Variants in SGCD observed in about 807,000 individuals in gnomAD.
SGCD encodes the protein sarcoglycan delta, also known as delta-sarcoglycan.
Under a neutral mutation model 36.6 loss-of-function variants are expected in SGCD, and 18 were observed. The ratio of observed to expected loss-of-function variants is 0.49; its 90% CI spans 0.34 to 0.73. The LOEUF is 0.73. SGCD is among the 30% of genes least tolerant of loss of function. The probability of loss-of-function intolerance (pLI) is 0.01; values close to 1 mark genes in which losing one functional copy is unlikely to be tolerated. For synonymous variants in SGCD, 133 were observed against 130.6 expected, an observed-to-expected ratio of 1.02 and a Z score of -0.12; for missense variants, 387 against 346.7, an observed-to-expected ratio of 1.12 and a Z score of -0.92.
intron 3 of SGCD, among the ~76,000 whole-genome samples, chr5:156,356,289 G>A (rs1769487330): frequency 6.6e-6 from 1 of 152,064 alleles, no homozygotes; most frequent in Non-Finnish European, 1.5e-5. Flanking sequence ...AAGGCCTGGG[G>A]TATCTCAACA....
At chr5:156,477,128 G>A (rs548374253) in intron 3 of SGCD, among the ~76,000 whole-genome samples, 12 of 152,002 alleles carry the variant, frequency 7.9e-5, no homozygotes, top group African/African-American at 2.9e-4. Context: ...GCATTTCAGA[G>A]TCAGTGCTTT....
At chr5:156,322,680 A>T (rs1767703600), upstream of SGCD, among the ~76,000 whole-genome samples, 1 of 152,226 alleles carries the variant, frequency 6.6e-6, no homozygotes, top group African/African-American at 2.4e-5. Context: ...AGGAAACAGT[A>T]ATATCTGTCC....
intron 3 of SGCD, among the ~76,000 whole-genome samples, chr5:156,310,976 C>A (rs1767375864): frequency 6.6e-6 from 1 of 152,066 alleles, no homozygotes; most frequent in Non-Finnish European, 1.5e-5. Flanking sequence ...TAGTGTCAAC[C>A]AGGTAAAGAG....
chr5:156,517,601 C>T (rs1757231674), intron 4 of SGCD, among the ~76,000 whole-genome samples: 1 of 152,072 alleles, frequency 6.6e-6, no homozygotes, highest in African/African-American at 2.4e-5. Flanking sequence ...AAGAAAGGTT[C>T]AGGCCACCTA....
At chr5:156,395,835 TGAG>T (rs757262058) in intron 3 of SGCD, among the ~76,000 whole-genome samples, 3 of 152,260 alleles carry the variant, frequency 2.0e-5, no homozygotes, top group African/African-American at 2.4e-5. Flanking sequence ...CGTTGCAAAA[TGAG>T]GAGATAAACT....
rs572400102 is a variant in SGCD at position 155,986,197 on chromosome 5, T to C, written c.-282+115773T>C. 4.4e-3 allele frequency among the ~76,000 whole-genome samples: 668 copies of C among 152,362 alleles called. 8 individuals are homozygous for C. Among genetic ancestry groups the C allele is most frequent in the African/African-American group, 0.015 (608 of 41,590 alleles). On this transcript the variant is annotated intron_variant, in intron 1 of 9. Transcript: ENST00000517913. ...GGTAATTATGTTTAGTTCAGTTTAC[T>C]CCTTTGTGTATCTTTCTTGGAAATG...
At chr5:156,755,204 G>C (rs538286886) in intron 7 of SGCD, among the ~76,000 whole-genome samples, 1 of 152,160 alleles carries the variant, frequency 6.6e-6, no homozygotes, top group African/African-American at 2.4e-5. Flanking sequence ...GAGAAGTTCT[G>C]AGTTAAAAGA....
At chr5:156,007,931 A>T (rs535085525) in intron 1 of SGCD, among the ~76,000 whole-genome samples, 1 of 152,334 alleles carries the variant, frequency 6.6e-6, no homozygotes, top group Non-Finnish European at 1.5e-5. Context: ...GTCCAGGAGA[A>T]ATAGTTTCTC....
intron 3 of SGCD, among the ~76,000 whole-genome samples, chr5:156,390,356 G>A (rs1771499622): frequency 6.6e-6 from 1 of 152,196 alleles, no homozygotes; most frequent in Non-Finnish European, 1.5e-5. Context: ...TGTGGAGGTG[G>A]AAGACAGCGT....
At chr5:155,841,588 T>G in the SGCD span, among the ~76,000 whole-genome samples, 1 of 152,232 alleles carries the variant, frequency 6.6e-6, no homozygotes. Flanking sequence ...CTTTTTCTTC[T>G]CTACTTTATA....
At chr5:156,306,026 G>A (rs943409730) in intron 3 of SGCD, among the ~76,000 whole-genome samples, 1 of 152,186 alleles carries the variant, frequency 6.6e-6, no homozygotes, top group Non-Finnish European at 1.5e-5. Flanking sequence ...AGGCACAAGG[G>A]ACTTGCCTTG....
chr5:156,400,645 A>G (rs1225370968), intron 3 of SGCD, among the ~76,000 whole-genome samples: 1 of 152,260 alleles, frequency 6.6e-6, no homozygotes. Flanking sequence ...GTATGAAATC[A>G]TTGAAATTAC....
chr5:156,645,397 A>C, intron 6 of SGCD, among the ~76,000 whole-genome samples: 1 of 152,134 alleles, frequency 6.6e-6, no homozygotes, highest in East Asian at 1.9e-4. Context: ...AAAATCAGAA[A>C]CCTGATAGCA....
intron 3 of SGCD, among the ~76,000 whole-genome samples, chr5:156,208,172 G>C (rs1207800475): frequency 6.6e-6 from 1 of 152,146 alleles, no homozygotes; most frequent in East Asian, 1.9e-4. Context: ...TTTTACATGA[G>C]AGCAACTTTA....
intron 3 of SGCD, among the ~76,000 whole-genome samples, chr5:156,390,130 A>G (rs1290307411): frequency 6.6e-6 from 1 of 152,226 alleles, no homozygotes; most frequent in African/African-American, 2.4e-5. Flanking sequence ...TACATAATAC[A>G]TGATAATGAT....
chr5:155,858,479 TTTGTAG>T, the SGCD span, among the ~76,000 whole-genome samples: 1 of 152,202 alleles, frequency 6.6e-6, no homozygotes, highest in Non-Finnish European at 1.5e-5. Context: ...TATATCATCT[TTTGTAG>T]TTGTCATATT....
At chr5:156,174,283 C>A (rs2127623524) in intron 3 of SGCD, among the ~76,000 whole-genome samples, 1 of 152,244 alleles carries the variant, frequency 6.6e-6, no homozygotes, top group East Asian at 1.9e-4. Flanking sequence ...TAACAGGTTG[C>A]AGGAAGCCTC....
At chr5:155,984,930 C>T (rs942056148) in intron 1 of SGCD, among the ~76,000 whole-genome samples, 3 of 152,192 alleles carry the variant, frequency 2.0e-5, no homozygotes, top group Non-Finnish European at 2.9e-5. Flanking sequence ...CCTGTTTTTG[C>T]TCATCACTAT....
At chr5:156,609,255 CT>C (rs1391211914) in intron 6 of SGCD, among the ~76,000 whole-genome samples, 1 of 152,072 alleles carries the variant, frequency 6.6e-6, no homozygotes, top group Non-Finnish European at 1.5e-5. Context: ...GACAAAATCT[CT>C]CAGCATTTGC....
Sources: gnomAD v4.1 joint callset for allele counts (sites outside exome capture counted in the v4.1 genomes callset) on GRCh38, gnomAD v4.1.1 for gene constraint, MANE v1.5 for transcripts, NCBI Gene and HGNC (gene_info 2026-07-23, HGNC 2026-07-21) for gene names.